The following LRRIQ1 variants were observed in gnomAD, a reference collection of about 807,000 sequenced individuals.
The protein encoded by LRRIQ1 is leucine rich repeats and IQ motif containing 1, also known as leucine-rich repeat- and IQ domain-containing protein 1.
Under a neutral mutation model 211.9 loss-of-function variants are expected in LRRIQ1, and 210 were observed. The ratio of observed to expected loss-of-function variants is 0.99; its 90% confidence interval spans 0.89 to 1.11. The LOEUF (loss-of-function observed/expected upper bound fraction) is 1.11. Among genes scored for constraint, LRRIQ1 ranks in the 50% most tolerant of loss-of-function variants. The pLI is 0.00. For missense variants in LRRIQ1, 2,136 were observed against 1,939.5 expected (o/e 1.10, Z -1.90); for synonymous variants, 699 against 650.1 (o/e 1.08, Z -1.14).
chr12:85,106,698 C>T, intron 15 of LRRIQ1, 83 bp downstream of exon 15: 1 of 884,608 alleles, frequency 1.1e-6, no homozygotes, highest in Non-Finnish European at 1.8e-6. Context: ...CTGTGAATAA[C>T]AATTACCTAG....
At chr12:85,127,690 T>G (rs1888460850) in intron 17 of LRRIQ1, 142 bp from the exon 18 acceptor site, 1 of 692,982 alleles carries the variant, frequency 1.4e-6, no homozygotes, top group Non-Finnish European at 2.4e-6. Flanking sequence ...ATGACAATGG[T>G]TAAACAAAAG....
intron 26 of LRRIQ1, among the ~76,000 whole-genome samples, chr12:85,237,788 G>A (rs915871878): frequency 6.6e-6 from 1 of 152,050 alleles, no homozygotes; most frequent in Non-Finnish European, 1.5e-5. Flanking sequence ...CTGCCTGCTA[G>A]AATAAAAACT....
At chr12:85,161,954 G>A (rs1011726149) in intron 24 of LRRIQ1, among the ~76,000 whole-genome samples, 3 of 152,018 alleles carry the variant, frequency 2.0e-5, no homozygotes, top group Admixed American at 1.3e-4. Flanking sequence ...CAGGAGAATG[G>A]CGTGAACCCG....
intron 24 of LRRIQ1, among the ~76,000 whole-genome samples, chr12:85,204,454 G>A (rs530185606): frequency 2.9e-4 from 44 of 152,288 alleles, no homozygotes; most frequent in South Asian, 1.9e-3. Context: ...TGCACAGTGC[G>A]CCTGGAAAAG....
At chr12:85,087,500 A>G (rs1281821961) in intron 11 of LRRIQ1, among the ~76,000 whole-genome samples, 1 of 152,152 alleles carries the variant, frequency 6.6e-6, no homozygotes, top group East Asian at 1.9e-4. Context: ...CTAGTTCTAA[A>G]TCCTTGAGGA....
At chr12:85,230,821 G>T (rs529022979) in intron 25 of LRRIQ1, among the ~76,000 whole-genome samples, 4 of 152,086 alleles carry the variant, frequency 2.6e-5, no homozygotes, top group African/African-American at 9.6e-5. Flanking sequence ...AGGCCGAGGC[G>T]GGCGGATCAC....
In LRRIQ1 at chr12:85,176,432, G is replaced by T. The variant is rs369402105; in HGVS notation, c.4822+15718G>T. ...CAGCCATAAAAAATGATGAGTTCAT[G>T]TCCTTTGTAGGGACATGGATGAAAT... is the stretch of plus-strand genomic sequence containing the variant. On this transcript the variant is annotated intron_variant, in intron 24 of 26. Coordinates refer to ENST00000393217, the MANE Select transcript of LRRIQ1 (RefSeq NM_001079910.2). Among the ~76,000 whole-genome samples the T allele has an allele frequency of 1.1e-3, 172 of 151,774 alleles. 4 individuals are homozygous for T. In the East Asian group the frequency reaches 0.028, roughly 24 times the overall value.
intron 1 of LRRIQ1, among the ~76,000 whole-genome samples, chr12:85,258,159 A>G (rs988596261): frequency 6.6e-6 from 1 of 151,916 alleles, no homozygotes; most frequent in African/African-American, 2.4e-5. Context: ...ACAGACAAAA[A>G]AATGTGTTAC....
At chr12:85,262,077 T>C (rs1464746169) in intron 1 of LRRIQ1, among the ~76,000 whole-genome samples, 1 of 152,170 alleles carries the variant, frequency 6.6e-6, no homozygotes. Flanking sequence ...CGTAAGCCAC[T>C]GCGCCAGGCC....
Position 85,056,635 on chromosome 12 carries a change from C to A in LRRIQ1, c.1842C>A (p.Leu614=). Residue 614 remains leucine (L), a synonymous_variant, in exon 8 of 27, where the codon CTC becomes CTA. Transcript: ENST00000393217. ...TLVISVKQRS[L]SLTSENSKDV... is the part of the protein sequence containing the mutation. ...TTATTTCAGTGAAACAAAGATCACTCTCACTAACATCAGAAAATTCCAAAG... is the reference window on the plus strand; with the variant it reads ...TTATTTCAGTGAAACAAAGATCACTATCACTAACATCAGAAAATTCCAAAG... 6.3e-7 allele frequency: 1 copy of A among 1,597,880 alleles called. No homozygotes were observed. The highest frequency in any genetic ancestry group is 1.1e-5 in the South Asian group (1 of 87,520).
At chr12:85,097,648 C>G (rs1246891849) in intron 11 of LRRIQ1, among the ~76,000 whole-genome samples, 4 of 152,054 alleles carry the variant, frequency 2.6e-5, no homozygotes, top group African/African-American at 9.7e-5. Context: ...GAAAAAAATG[C>G]ATAGTCTAGT....
At chr12:85,166,134 C>CATCT (rs1325895440) in intron 24 of LRRIQ1, among the ~76,000 whole-genome samples, 1 of 152,182 alleles carries the variant, frequency 6.6e-6, no homozygotes, top group Non-Finnish European at 1.5e-5. Flanking sequence ...TTCCTGCCCT[C>CATCT]ATCTACTGAA....
intron 10 of LRRIQ1, among the ~76,000 whole-genome samples, chr12:85,067,237 A>G (rs2136070749): frequency 6.6e-6 from 1 of 151,992 alleles, no homozygotes; most frequent in African/African-American, 2.4e-5. Flanking sequence ...TGCCTCAGCA[A>G]TTGTTGTAAC....
intron 11 of LRRIQ1, among the ~76,000 whole-genome samples, chr12:85,098,033 G>GA (rs969972814): frequency 1.8e-4 from 28 of 152,170 alleles, no homozygotes; most frequent in African/African-American, 6.3e-4. Context: ...ATTCTTTTAA[G>GA]AAAAAAGTCG....
chr12:85,122,378 A>G (rs999122366), intron 16 of LRRIQ1, among the ~76,000 whole-genome samples: 1 of 152,140 alleles, frequency 6.6e-6, no homozygotes, highest in African/African-American at 2.4e-5. Flanking sequence ...ACTTGCACCC[A>G]TTTAGACTAC....
At chr12:85,077,102 A>G (rs1209660623) in intron 11 of LRRIQ1, among the ~76,000 whole-genome samples, 1 of 152,188 alleles carries the variant, frequency 6.6e-6, no homozygotes, top group Non-Finnish European at 1.5e-5. Flanking sequence ...ACCATCAGAC[A>G]TGGCAATCAG....
chr12:85,216,697 A>G (rs1451252622), intron 24 of LRRIQ1, among the ~76,000 whole-genome samples: 1 of 151,826 alleles, frequency 6.6e-6, no homozygotes, highest in Non-Finnish European at 1.5e-5. Flanking sequence ...AATTATTCCT[A>G]CCTGTATTGA....
Position 85,104,010 on chromosome 12 carries a change from T to G in LRRIQ1, c.3216T>G (p.Thr1072=). Residue 1072 remains threonine (T), a synonymous_variant, in exon 14 of 27, where the codon ACT becomes ACG. Coordinates refer to ENST00000393217, the MANE Select transcript of LRRIQ1 (RefSeq NM_001079910.2). The stretch of plus-strand genomic sequence containing the variant: ...TTTTTGTTTTTGTTTTCAGCTTGAC[T>G]AAAATCGTACCACTTTTTCATTTTG... ...QNITISQNSL[T]KIVPLFHFVS... is the part of the protein sequence containing the mutation. The G allele has an allele frequency of 6.4e-7, 1 of 1,566,198 alleles. No homozygotes were observed. Among genetic ancestry groups the G allele is most frequent in the Non-Finnish European group, 8.7e-7 (1 of 1,155,390 alleles).
chr12:85,086,926 A>G (rs117416784), intron 11 of LRRIQ1, among the ~76,000 whole-genome samples: 3,093 of 124,748 alleles, frequency 0.025, 140 homozygotes, highest in East Asian at 0.2. Flanking sequence ...TGAATCTCAG[A>G]TTGTTCTTCA....
Sources: gnomAD v4.1 joint callset for allele counts (sites outside exome capture counted in the v4.1 genomes callset) on GRCh38, gnomAD v4.1.1 for gene constraint, MANE v1.5 for transcripts, NCBI Gene and HGNC (gene_info 2026-07-23, HGNC 2026-07-21) for gene names.